The following TOMM6 variants were observed in gnomAD, a reference collection of about 807,000 sequenced individuals.
The protein encoded by TOMM6 is mitochondrial import receptor subunit TOM6 homolog.
Under a neutral mutation model 6.0 loss-of-function variants are expected in TOMM6, and 6 were observed. The observed-to-expected ratio is 1.00, with a 90% CI of 0.55 to 1.98. TOMM6 has a LOEUF of 1.98. Ranked by LOEUF, TOMM6 falls within the 30% of genes most tolerant of loss-of-function variation. The probability of loss-of-function intolerance (pLI) is 0.00; values close to 1 mark genes in which losing one functional copy is unlikely to be tolerated. For synonymous variants in TOMM6, 44 were observed against 36.3 expected, an observed-to-expected ratio of 1.21 and a Z score of -0.76; for missense variants, 104 against 95.3, an observed-to-expected ratio of 1.09 and a Z score of -0.38.
rs545095397 is a variant in TOMM6, at chr6:41,788,076, TA to T, written c.128+254del. Among the ~76,000 whole-genome samples the T allele has an allele frequency of 5.5e-3, 838 of 152,298 alleles. 10 individuals are homozygous for T. Among genetic ancestry groups the T allele is most frequent in the Non-Finnish European group, 8.6e-3 (586 of 68,022 alleles). ...GATCAAGGGAAGAAGTGCTAGCACGTAAACAGGCTTTTTCGGCCCTGGACTA... is the reference window on the plus strand; with the variant it reads ...GATCAAGGGAAGAAGTGCTAGCACGTAACAGGCTTTTTCGGCCCTGGACTA... On this transcript the variant is annotated intron_variant, in intron 1 of 2. Transcript: ENST00000398881.
chr6:41,788,256 T>G (rs1255775447), intron 1 of TOMM6, among the ~76,000 whole-genome samples: 1 of 149,310 alleles, frequency 6.7e-6, no homozygotes, highest in Admixed American at 6.7e-5. Context: ...GCCATTCTCC[T>G]GCCTCAGCCT....
intron 1 of TOMM6, among the ~76,000 whole-genome samples, chr6:41,788,331 A>T (rs1179870577): frequency 6.8e-6 from 1 of 146,468 alleles, no homozygotes; most frequent in Non-Finnish European, 1.5e-5. Context: ...TTTTTAGTAG[A>T]GACGGGGTTT....
intron 1 of TOMM6, among the ~76,000 whole-genome samples, chr6:41,788,463 T>A: frequency 8.2e-6 from 1 of 122,288 alleles, no homozygotes; most frequent in Non-Finnish European, 1.7e-5. Flanking sequence ...TTTTTTTTTT[T>A]TTTTTTTGAG....
At chr6:41,787,849 T>C (rs1772704783) in intron 1 of TOMM6, 24 bp downstream of exon 1, 16 of 1,551,462 alleles carry the variant, frequency 1.0e-5, no homozygotes, top group Non-Finnish European at 1.2e-5. Context: ...AGGAACTTGG[T>C]CCTTTTCTGG....
At chr6:41,788,141 TTTTTG>T (rs1207334688) in intron 1 of TOMM6, among the ~76,000 whole-genome samples, 2 of 62,312 alleles carry the variant, frequency 3.2e-5, no homozygotes, top group Non-Finnish European at 7.3e-5. Flanking sequence ...TTACATTTCT[TTTTTG>T]TTTTTTTTTT....
chr6:41,788,992 C>T (rs543841140), intron 1 of TOMM6, among the ~76,000 whole-genome samples: 208 of 149,600 alleles, frequency 1.4e-3, no homozygotes, highest in African/African-American at 4.8e-3. Context: ...GATCCGCCTG[C>T]CTTGGCCTTC....
At chr6:41,788,296 C>T (rs528008106) in intron 1 of TOMM6, among the ~76,000 whole-genome samples, 2 of 151,210 alleles carry the variant, frequency 1.3e-5, no homozygotes, top group African/African-American at 4.9e-5. Flanking sequence ...GGCCGCCCGC[C>T]ACCACGCCCT....
At position 41,789,640 on chromosome 6, in the gene TOMM6, C is replaced by T; in HGVS notation, c.*81C>T. 1 of 286,022 alleles carries T rather than the reference C, an allele frequency of 3.5e-6. No individual in the cohort carries two copies. The highest frequency in any genetic ancestry group is 4.1e-5 in the South Asian group (1 of 24,214). 17.7% of individuals were successfully genotyped at this position (286,022 alleles called of 1,614,324 possible). On this transcript the variant is annotated 3_prime_UTR_variant, in exon 3 of 3. Transcript: ENST00000398881. ...CAATCTGTGACCACCACAAGATGTGCCCTGATGGCAGCTGAAGTTTGATTC... is the reference window on the plus strand; with the variant it reads ...CAATCTGTGACCACCACAAGATGTGTCCTGATGGCAGCTGAAGTTTGATTC...
intron 1 of TOMM6, 127 bp from the exon 2 acceptor site, chr6:41,789,105 C>T: frequency 7.1e-6 from 6 of 846,682 alleles, no homozygotes; most frequent in Non-Finnish European, 1.1e-5. Context: ...CTTGAGCAAC[C>T]TGCCGTCACA....
At chr6:41,788,697 C>G (rs113119104) in intron 1 of TOMM6, among the ~76,000 whole-genome samples, 2,513 of 145,684 alleles carry the variant, frequency 0.017, 55 homozygotes, top group African/African-American at 0.053. Context: ...TCGATCCACC[C>G]GACTCTGCCT....
chr6:41,788,805 G>A (rs957538330), intron 1 of TOMM6, among the ~76,000 whole-genome samples: 1 of 148,184 alleles, frequency 6.7e-6, no homozygotes, highest in Admixed American at 6.8e-5. Flanking sequence ...GGAGTGTAGT[G>A]GCGGACCTCA....
Position 41,789,886 on chromosome 6 carries a change from C to T in TOMM6, c.*327C>T, listed in dbSNP as rs1283909318. 2 of 152,118 alleles carry T rather than the reference C, an allele frequency of 1.3e-5. No individual in the cohort carries two copies. The highest frequency in any genetic ancestry group is 3.9e-4 in the East Asian group (2 of 5,194). 9.4% of individuals were successfully genotyped at this position (152,118 alleles called of 1,614,324 possible). ...AAAAACATTTGAAATAAATACCGCA[C>T]ACAAAGGCAGTCATTTTATTCTTTT... is the stretch of plus-strand genomic sequence containing the variant. On this transcript the variant is annotated 3_prime_UTR_variant, in exon 3 of 3. Transcript: ENST00000398881.
chr6:41,788,816 G>A lies in TOMM6; in HGVS notation c.129-416G>A, dbSNP rs1772738296. Among the ~76,000 whole-genome samples the A allele has an allele frequency of 2.7e-5, 4 of 147,936 alleles. No individual in the cohort carries two copies. The Admixed American group carries it at 2.7e-4, about 10-fold the overall frequency. ...GGCTGGAGTGTAGTGGCGGACCTCA[G>A]CTCACTGCAGCCTCCGCCTCCCGGG... On this transcript the variant is annotated intron_variant, in intron 1 of 2. Transcript: ENST00000398881.
At chr6:41,789,456 C>G in intron 2 of TOMM6, 112 bp from the exon 3 acceptor site, 1 of 762,630 alleles carries the variant, frequency 1.3e-6, no homozygotes, top group South Asian at 1.6e-5. Context: ...CTTAACTATT[C>G]CTAGTTAAAT....
chr6:41,789,888 C>G lies in TOMM6; in HGVS notation c.*329C>G, dbSNP rs1395059847. 1 of 152,098 alleles carries G rather than the reference C, an allele frequency of 6.6e-6. No homozygotes were observed. The highest frequency in any genetic ancestry group is 1.5e-5 in the Non-Finnish European group (1 of 68,018). 9.4% of individuals were successfully genotyped at this position (152,098 alleles called of 1,614,324 possible). On this transcript the variant is annotated 3_prime_UTR_variant, in exon 3 of 3. Transcript: ENST00000398881. Reference sequence around the variant, plus strand: ...AAACATTTGAAATAAATACCGCACACAAAGGCAGTCATTTTATTCTTTTAA... The same window carrying G: ...AAACATTTGAAATAAATACCGCACAGAAAGGCAGTCATTTTATTCTTTTAA...
At position 41,787,906 on chromosome 6, in the gene TOMM6, G is replaced by GTT. The variant is rs201077308; in HGVS notation, c.128+86_128+87dup. 37 of 1,511,546 alleles carry GTT rather than the reference G, an allele frequency of 2.4e-5. No individual in the cohort carries two copies. The South Asian group carries it at 4.4e-4, about 18-fold the overall frequency. The allele number at this position is 1,511,546 out of a possible 1,614,324, so 93.6% of individuals were successfully genotyped here. Reference sequence around the variant, plus strand: ...TTTCTTGCGAGGCTGGCGCCTCAGGGTTTTTTGTTTTTGTTTTTTAACATT... The same window carrying GTT: ...TTTCTTGCGAGGCTGGCGCCTCAGGGTTTTTTTTGTTTTTGTTTTTTAACATT... On this transcript the variant is annotated intron_variant, in intron 1 of 2. Transcript: ENST00000398881.
Position 41,787,768 on chromosome 6 carries a change from T to G in TOMM6, c.71T>G (p.Val24Gly), listed in dbSNP as rs1581981450. The stretch of plus-strand genomic sequence containing the variant: ...GAAACTCCCGAAATACCGGACAACG[T>G]GGGAGATTGGCTTCGGGGCGTCTAC... The part of the protein sequence containing the change: ...ANETPEIPDN[V>G]GDWLRGVYRF... Residue 24 changes from valine to glycine, a missense_variant, in exon 1 of 3, where the codon GTG (valine) becomes GGG (glycine). Physicochemically the swap from Val to Gly is moderately radical, Grantham distance 109 (BLOSUM62 -3). Transcript: ENST00000398881. The G allele has an allele frequency of 1.3e-6, 2 of 1,551,514 alleles. No homozygotes were observed. The highest frequency in any genetic ancestry group is 4.9e-5 in the East Asian group (2 of 40,926).
chr6:41,788,320 A>G (rs1167806001), intron 1 of TOMM6, among the ~76,000 whole-genome samples: 1 of 135,548 alleles, frequency 7.4e-6, no homozygotes, highest in East Asian at 2.2e-4. Context: ...AATTTTTTGT[A>G]TTTTTAGTAG....
chr6:41,789,158 C>T, intron 1 of TOMM6, 74 bp from the exon 2 acceptor site: 3 of 1,357,162 alleles, frequency 2.2e-6, no homozygotes, highest in Admixed American at 2.0e-5. Flanking sequence ...GGAAGCCTTT[C>T]CCCCCAGTAC....
Sources: allele counts gnomAD v4.1 joint callset (sites outside exome capture counted in the v4.1 genomes callset), GRCh38; gene constraint gnomAD v4.1.1; transcripts MANE v1.5; gene names NCBI Gene and HGNC (gene_info 2026-07-23, HGNC 2026-07-21).